The following PCDHGA6 variants were observed in gnomAD, a reference collection of about 807,000 sequenced individuals.
PCDHGA6 encodes the protein protocadherin gamma subfamily A, 6.
A neutral mutation model predicts 60.6 loss-of-function variants in PCDHGA6; 41 were observed. The ratio of observed to expected loss-of-function variants is 0.68; its 90% CI spans 0.53 to 0.88. The LOEUF is 0.88. PCDHGA6 is among the 40% of genes least tolerant of loss of function. PCDHGA6 has a pLI of 0.00. For synonymous variants in PCDHGA6, 594 were observed against 524.4 expected (o/e 1.13, Z -1.81); for missense variants, 1,312 against 1,203.0 (o/e 1.09, Z -1.34).
In PCDHGA6 at chr5:141,432,931, G is replaced by A. The variant is rs2097550450; in HGVS notation, c.2424+56424G>A. The A allele has an allele frequency of 6.2e-7, 1 of 1,614,198 alleles. No individual in the cohort carries two copies. The highest frequency in any genetic ancestry group is 2.2e-5 in the East Asian group (1 of 44,864). Reference sequence around the variant, plus strand: ...TGCGGCGCTGGCACAAGTCACGCCTGCTGCAGGCTTCAGGAGGCGGCTTGA... The same window carrying A: ...TGCGGCGCTGGCACAAGTCACGCCTACTGCAGGCTTCAGGAGGCGGCTTGA... On this transcript the variant is annotated intron_variant, in intron 1 of 3. Transcript: ENST00000517434. The surrounding 1 kb of genome is among the most constrained non-coding windows in gnomAD (Gnocchi z 6.0).
intron 1 of PCDHGA6, chr5:141,408,182 C>G: frequency 6.5e-7 from 1 of 1,537,898 alleles, no homozygotes; most frequent in Non-Finnish European, 8.8e-7. Flanking sequence ...AGCGGGGACC[C>G]AGCGAGAACC....
chr5:141,419,999 C>T (rs369649545), intron 1 of PCDHGA6: 4 of 1,613,960 alleles, frequency 2.5e-6, no homozygotes, highest in Non-Finnish European at 3.4e-6. Flanking sequence ...TATTGCTCTA[C>T]GCCTGCGACA....
chr5:141,427,398 A>T (rs1040184910), intron 1 of PCDHGA6: 8 of 460,774 alleles, frequency 1.7e-5, no homozygotes, highest in Non-Finnish European at 3.5e-5. Context: ...AACACATGAT[A>T]AAGATTCGAG....
chr5:141,427,703 C>A (rs529490424), intron 1 of PCDHGA6: 2 of 957,514 alleles, frequency 2.1e-6, no homozygotes, highest in African/African-American at 1.6e-5. Flanking sequence ...CACAAGTCAG[C>A]GCCTCTGACC....
chr5:141,384,753 G>A, intron 1 of PCDHGA6: 2 of 1,614,010 alleles, frequency 1.2e-6, no homozygotes, highest in Non-Finnish European at 1.7e-6. Flanking sequence ...GACTCTTTGC[G>A]GTTGGGCTGT....
rs763743728 is a variant in PCDHGA6, at chr5:141,398,890, G to C, written c.2424+22383G>C. On this transcript the variant is annotated intron_variant, in intron 1 of 3. Coordinates refer to ENST00000517434, the MANE Select transcript of PCDHGA6 (RefSeq NM_018919.3). ...GTACAGAGTCAGCCTTCGGGAAAAC[G>C]TGCCACCAGGCACCACTGTGTTGCA... is the stretch of plus-strand genomic sequence containing the variant. 2.5e-6 allele frequency: 4 copies of C among 1,613,920 alleles called. No homozygotes were observed. The South Asian group carries it at 3.3e-5, about 13-fold the overall frequency.
At chr5:141,377,605 C>CAAAA (rs71576112) in intron 1 of PCDHGA6, 1 of 140,670 alleles carries the variant, frequency 7.1e-6, no homozygotes. Flanking sequence ...CTCTCTCTCT[C>CAAAA]AAAAAAAAAA....
At chr5:141,467,214 G>A (rs1333148694) in intron 1 of PCDHGA6, among the ~76,000 whole-genome samples, 1 of 151,856 alleles carries the variant, frequency 6.6e-6, no homozygotes, top group Admixed American at 6.6e-5. Context: ...CACCATGCCT[G>A]GCTAATTTTT....
rs200254467 is a variant in PCDHGA6 at position 141,419,887 on chromosome 5, C to T, written c.2424+43380C>T. 380 of 1,614,050 alleles carry T rather than the reference C, an allele frequency of 2.4e-4. 1 individual carries two copies. The Admixed American group carries it at 2.6e-3, about 11-fold the overall frequency. ...TGCAAGAGGTACTGCCGGATTTCAGCGACCATCCCACACCCTCTGACTCCC... is the reference window on the plus strand; with the variant it reads ...TGCAAGAGGTACTGCCGGATTTCAGTGACCATCCCACACCCTCTGACTCCC... On this transcript the variant is annotated intron_variant, in intron 1 of 3. Transcript: ENST00000517434.
rs774563598 is a variant in PCDHGA6 at position 141,431,225 on chromosome 5, C to T, written c.2424+54718C>T. 16 of 1,614,118 alleles carry T rather than the reference C, an allele frequency of 9.9e-6. No individual in the cohort carries two copies. The highest frequency in any genetic ancestry group is 1.2e-5 in the Non-Finnish European group (14 of 1,180,036). On this transcript the variant is annotated intron_variant, in intron 1 of 3. Transcript: ENST00000517434. The surrounding 1 kb of genome is among the most constrained non-coding windows in gnomAD (Gnocchi z 4.8). ...CACTGAGATGCGGTTCCCTCTACCC[C>T]ACGCCTGGGATCCGGATATCGGGAA...
At position 141,448,695 on chromosome 5, in the gene PCDHGA6, C is replaced by T. The variant is rs535473305; in HGVS notation, c.2425-46112C>T. 2.7e-4 allele frequency among the ~76,000 whole-genome samples: 41 copies of T among 152,246 alleles called. No homozygotes were observed. In the South Asian group the frequency reaches 8.5e-3, roughly 32 times the overall value. On this transcript the variant is annotated intron_variant, in intron 1 of 3. Coordinates refer to ENST00000517434, the MANE Select transcript of PCDHGA6 (RefSeq NM_018919.3). Reference sequence around the variant, plus strand: ...GTGGCTCACGCCTGTAATCGCAGCACTTTGGGAGGCCGAGGCGGGAGGATC... The same window carrying T: ...GTGGCTCACGCCTGTAATCGCAGCATTTTGGGAGGCCGAGGCGGGAGGATC...
At position 141,486,493 on chromosome 5, in the gene PCDHGA6, T is replaced by C. The variant is rs761905572; in HGVS notation, c.2425-8314T>C. The C allele has an allele frequency of 1.2e-6, 2 of 1,614,136 alleles. No homozygotes were observed. The highest frequency in any genetic ancestry group is 1.7e-6 in the Non-Finnish European group (2 of 1,179,960). Reference sequence around the variant, plus strand: ...ACCCTCCTCTCAGTACCCACAGAACTATTTTCCTCAATATTTCAGATGTGA... The same window carrying C: ...ACCCTCCTCTCAGTACCCACAGAACCATTTTCCTCAATATTTCAGATGTGA... On this transcript the variant is annotated intron_variant, in intron 1 of 3. Transcript: ENST00000517434. The surrounding 1 kb of genome is among the most constrained non-coding windows in gnomAD (Gnocchi z 5.0).
Position 141,491,795 on chromosome 5 carries a change from C to T in PCDHGA6, c.2425-3012C>T. On this transcript the variant is annotated intron_variant, in intron 1 of 3. Coordinates refer to ENST00000517434, the MANE Select transcript of PCDHGA6 (RefSeq NM_018919.3). This position sits in a 1 kb window ranked among gnomAD's most constrained non-coding sequence, Gnocchi z 6.9. ...GGATTGAACTTGCATCCACTCCTCT[C>T]CGGCCGGCTTGGTCGCTGGCTGCGC... 6 of 1,511,694 alleles carry T rather than the reference C, an allele frequency of 4.0e-6. No individual in the cohort carries two copies. Among genetic ancestry groups the T allele is most frequent in the Non-Finnish European group, 5.3e-6 (6 of 1,130,430 alleles). 93.6% of individuals were successfully genotyped at this position (1,511,694 alleles called of 1,614,324 possible).
At chr5:141,399,147 C>T (rs2093760764) in intron 1 of PCDHGA6, 1 of 1,613,664 alleles carries the variant, frequency 6.2e-7, no homozygotes. Flanking sequence ...ATGACAATAG[C>T]CCAGAAGTTA....
intron 1 of PCDHGA6, chr5:141,478,134 C>A (rs2099431418): frequency 6.2e-7 from 1 of 1,614,074 alleles, no homozygotes; most frequent in African/African-American, 1.3e-5. Flanking sequence ...TCTCCTGAAG[C>A]CCGAGCCGAG....
chr5:141,398,855 A>C, intron 1 of PCDHGA6: 1 of 1,613,970 alleles, frequency 6.2e-7, no homozygotes, highest in Non-Finnish European at 8.5e-7. Context: ...CCGGTATTCA[A>C]CCGAGACGTG....
Position 141,374,447 on chromosome 5 carries a change from G to C in PCDHGA6, c.364G>C (p.Glu122Gln). ...ACTGAATCTTTATCCCGTGGAAGTG[G>C]AAATAGTGGACATTAATGACAATAC... ...DKLNLYPVEV[E>Q]IVDINDNTPR... The change falls in exon 1 of 4, where the codon GAA (glutamate) becomes CAA (glutamine). Residue 122 changes from glutamate (E) to glutamine (Q), a missense_variant. Coordinates refer to ENST00000517434, the MANE Select transcript of PCDHGA6 (RefSeq NM_018919.3). 6.2e-7 allele frequency: 1 copy of C among 1,613,798 alleles called. No individual in the cohort carries two copies. Among genetic ancestry groups the C allele is most frequent in the Non-Finnish European group, 8.5e-7 (1 of 1,179,736 alleles).
Position 141,485,920 on chromosome 5 carries a change from T to C in PCDHGA6, c.2425-8887T>C, listed in dbSNP as rs1374948804. ...CCTTCCAGCAATCCAGCTACAGGAT[T>C]AGTGTGTTGGAGAGCGCACCAGCGG... On this transcript the variant is annotated intron_variant, in intron 1 of 3. Transcript: ENST00000517434. This position sits in a 1 kb window ranked among gnomAD's most constrained non-coding sequence, Gnocchi z 5.7. 1.2e-6 allele frequency: 2 copies of C among 1,614,038 alleles called. No individual in the cohort carries two copies. Among genetic ancestry groups the C allele is most frequent in the Non-Finnish European group, 1.7e-6 (2 of 1,180,010 alleles).
At position 141,432,119 on chromosome 5, in the gene PCDHGA6, C is replaced by T. The variant is rs1273427353; in HGVS notation, c.2424+55612C>T. On this transcript the variant is annotated intron_variant, in intron 1 of 3. Transcript: ENST00000517434. The surrounding 1 kb of genome is among the most constrained non-coding windows in gnomAD (Gnocchi z 6.0). ...CAACGACAACCCGCCGGTCTTCCCT[C>T]AGGCCTCCTATTCCGCTTATATCCC... is the stretch of plus-strand genomic sequence containing the variant. 7 of 1,614,184 alleles carry T rather than the reference C, an allele frequency of 4.3e-6. No homozygotes were observed. Among genetic ancestry groups the T allele is most frequent in the Non-Finnish European group, 5.9e-6 (7 of 1,180,032 alleles).
Sources: gnomAD v4.1 joint callset for allele counts (sites outside exome capture counted in the v4.1 genomes callset) on GRCh38, gnomAD v4.1.1 for gene constraint, Gnocchi (gnomAD v3.1) non-coding constraint, MANE v1.5 for transcripts, NCBI Gene and HGNC (gene_info 2026-07-23, HGNC 2026-07-21) for gene names.